Variants in TOM1L2 observed in about 807,000 individuals in gnomAD.
TOM1L2 encodes the protein TOM1-like protein 2.
Under a neutral mutation model 67.9 loss-of-function variants are expected in TOM1L2, and 31 were observed. That is an observed-to-expected ratio of 0.46 (90% CI 0.34 to 0.62). TOM1L2 has a LOEUF of 0.62. TOM1L2 is among the 20% of genes least tolerant of loss of function. The pLI is 0.01. For synonymous variants in TOM1L2, 256 were observed against 254.0 expected, an observed-to-expected ratio of 1.01 and a Z score of -0.07; for missense variants, 606 against 663.5, an observed-to-expected ratio of 0.91 and a Z score of 0.95.
At chr17:17,948,048 C>T (rs117426903) in intron 1 of TOM1L2, among the ~76,000 whole-genome samples, 74 of 152,196 alleles carry the variant, frequency 4.9e-4, no homozygotes, top group Non-Finnish European at 6.8e-4. Context: ...GAACATTAAA[C>T]AATTCTAAGA....
intron 12 of TOM1L2, among the ~76,000 whole-genome samples, chr17:17,853,679 G>A (rs1199570496): frequency 1.3e-5 from 2 of 152,228 alleles, no homozygotes; most frequent in Non-Finnish European, 2.9e-5. Flanking sequence ...TGAGGAGAGT[G>A]CACTGGGTGG....
intron 1 of TOM1L2, among the ~76,000 whole-genome samples, chr17:17,961,413 A>AT (rs570480617): frequency 1.1e-4 from 16 of 150,626 alleles, no homozygotes; most frequent in East Asian, 1.9e-4. Flanking sequence ...CAAAAAAATA[A>AT]TTTTTTTTTT....
chr17:17,875,333 G>C (rs1335575770), intron 7 of TOM1L2, among the ~76,000 whole-genome samples: 1 of 151,464 alleles, frequency 6.6e-6, no homozygotes, highest in East Asian at 1.9e-4. Context: ...AAAGACTTTT[G>C]CTACCACAGT....
At chr17:17,957,085 C>G (rs1185871736) in intron 1 of TOM1L2, among the ~76,000 whole-genome samples, 1 of 152,212 alleles carries the variant, frequency 6.6e-6, no homozygotes, top group African/African-American at 2.4e-5. Flanking sequence ...CTCAAGCAAT[C>G]CTCCTGCCTC....
At chr17:17,945,927 G>A (rs1384049028) in intron 1 of TOM1L2, among the ~76,000 whole-genome samples, 1 of 152,132 alleles carries the variant, frequency 6.6e-6, no homozygotes, top group African/African-American at 2.4e-5. Context: ...GGAGTGCAGT[G>A]GCACAATCAT....
chr17:17,913,222 G>C (rs935650879), intron 1 of TOM1L2, among the ~76,000 whole-genome samples: 1 of 149,056 alleles, frequency 6.7e-6, no homozygotes, highest in Non-Finnish European at 1.5e-5. Flanking sequence ...AGAGGGAGAG[G>C]GAGACCGTGG....
At chr17:17,848,098 G>A (rs1052432508) in intron 14 of TOM1L2, among the ~76,000 whole-genome samples, 16 of 152,032 alleles carry the variant, frequency 1.1e-4, no homozygotes, top group African/African-American at 3.4e-4. Context: ...GGGTAAGCTG[G>A]AGGGGCCAGC....
At chr17:17,959,814 G>C (rs1285556482) in intron 1 of TOM1L2, among the ~76,000 whole-genome samples, 1 of 152,140 alleles carries the variant, frequency 6.6e-6, no homozygotes, top group Admixed American at 6.6e-5. Context: ...CAGAATTTTT[G>C]ACATGCCTCC....
chr17:17,958,696 G>C (rs2041567190), intron 1 of TOM1L2, among the ~76,000 whole-genome samples: 1 of 152,168 alleles, frequency 6.6e-6, no homozygotes, highest in Non-Finnish European at 1.5e-5. Context: ...ATATATATTT[G>C]GTCTTTGTCC....
intron 7 of TOM1L2, among the ~76,000 whole-genome samples, chr17:17,870,842 T>G: frequency 6.6e-6 from 1 of 152,302 alleles, no homozygotes; most frequent in African/African-American, 2.4e-5. Context: ...CCAGTAATCA[T>G]CTGCTGAACA....
intron 1 of TOM1L2, among the ~76,000 whole-genome samples, chr17:17,938,353 C>T (rs1205379340): frequency 6.6e-6 from 1 of 152,218 alleles, no homozygotes; most frequent in African/African-American, 2.4e-5. Flanking sequence ...ACCCAGAGAG[C>T]TCCTTCTACC....
intron 1 of TOM1L2, among the ~76,000 whole-genome samples, chr17:17,965,806 A>T (rs2041853127): frequency 6.6e-6 from 1 of 152,208 alleles, no homozygotes; most frequent in Admixed American, 6.5e-5. Flanking sequence ...ATAGGAATAC[A>T]ACATTAAACT....
intron 6 of TOM1L2, among the ~76,000 whole-genome samples, chr17:17,880,603 A>G (rs1327394128): frequency 6.6e-6 from 1 of 152,194 alleles, no homozygotes; most frequent in Non-Finnish European, 1.5e-5. Flanking sequence ...CTCAGTGACA[A>G]GAGACCAAAT....
At chr17:17,853,121 A>T (rs2036079316) in intron 12 of TOM1L2, among the ~76,000 whole-genome samples, 1 of 152,186 alleles carries the variant, frequency 6.6e-6, no homozygotes, top group South Asian at 2.1e-4. Context: ...CTGGAACAGG[A>T]CACACCAGTT....
intron 1 of TOM1L2, among the ~76,000 whole-genome samples, chr17:17,942,157 A>T (rs1163890187): frequency 6.6e-6 from 1 of 152,246 alleles, no homozygotes; most frequent in Non-Finnish European, 1.5e-5. Flanking sequence ...TTTGTAATCC[A>T]GTTCACCAGC....
intron 1 of TOM1L2, among the ~76,000 whole-genome samples, chr17:17,936,381 G>A (rs569449990): frequency 2.7e-4 from 41 of 152,300 alleles, no homozygotes; most frequent in African/African-American, 9.9e-4. Context: ...GCCAGGTTAG[G>A]TGGGGTCTCC....
intron 1 of TOM1L2, among the ~76,000 whole-genome samples, chr17:17,910,697 G>A (rs1019300239): frequency 2.6e-5 from 4 of 152,082 alleles, no homozygotes; most frequent in Non-Finnish European, 4.4e-5. Context: ...AGCCTCCCGA[G>A]TAGCTGGGAT....
intron 2 of TOM1L2, among the ~76,000 whole-genome samples, chr17:17,902,367 G>A (rs1409551503): frequency 2.6e-5 from 4 of 152,168 alleles, no homozygotes; most frequent in Non-Finnish European, 4.4e-5. Flanking sequence ...GCACCCACCA[G>A]GACCACAGCC....
At chr17:17,941,222 T>G (rs1455222104) in intron 1 of TOM1L2, among the ~76,000 whole-genome samples, 1 of 152,144 alleles carries the variant, frequency 6.6e-6, no homozygotes, top group Non-Finnish European at 1.5e-5. Flanking sequence ...TCGAAATTCT[T>G]TTCCTTACAT....
Sources: allele counts gnomAD v4.1 joint callset (sites outside exome capture counted in the v4.1 genomes callset), GRCh38; gene constraint gnomAD v4.1.1; transcripts MANE v1.5; gene names NCBI Gene and HGNC (gene_info 2026-07-23, HGNC 2026-07-21).